The following PMVK variants were observed in gnomAD, a reference collection of about 807,000 sequenced individuals.
PMVK encodes the protein phosphomevalonate kinase.
PMVK carries 10 observed loss-of-function variants against 19.0 expected under a neutral mutation model. The ratio of observed to expected loss-of-function variants is 0.53; its 90% confidence interval spans 0.32 to 0.89. The LOEUF (loss-of-function observed/expected upper bound fraction) is 0.89, where lower values mean the gene tolerates loss of function less well. Ranked by LOEUF, PMVK falls within the 40% of genes least tolerant of loss-of-function variation. The pLI is 0.03. For synonymous variants in PMVK, 108 were observed against 101.6 expected (o/e 1.06, Z -0.38); for missense variants, 222 against 251.1 (o/e 0.88, Z 0.78).
At chr1:154,935,345 G>A (rs534329004) in intron 1 of PMVK, among the ~76,000 whole-genome samples, 1 of 152,166 alleles carries the variant, frequency 6.6e-6, no homozygotes, top group Non-Finnish European at 1.5e-5. Flanking sequence ...GCAGCTTCCT[G>A]GTACCCCCAC....
chr1:154,940,713 T>C (rs1315984728), upstream of PMVK, among the ~76,000 whole-genome samples: 1 of 152,218 alleles, frequency 6.6e-6, no homozygotes, highest in Admixed American at 6.5e-5. Context: ...AAAATTCTGC[T>C]TTGTATGCAG....
At chr1:154,935,845 G>A (rs993207686) in intron 1 of PMVK, among the ~76,000 whole-genome samples, 11 of 144,848 alleles carry the variant, frequency 7.6e-5, no homozygotes, top group African/African-American at 2.9e-4. Context: ...GCTCGCCATC[G>A]CACTAGGCTA....
At chr1:154,937,718 A>G (rs1183377251), upstream of PMVK, 1 of 152,244 alleles carries the variant, frequency 6.6e-6, no homozygotes, top group African/African-American at 2.4e-5. Context: ...TGCCTCCACT[A>G]GAGAAAAAGT....
At chr1:154,929,580 C>G (rs1017742618) in intron 2 of PMVK, among the ~76,000 whole-genome samples, 1 of 152,086 alleles carries the variant, frequency 6.6e-6, no homozygotes, top group African/African-American at 2.4e-5. Context: ...CATGTCCTCC[C>G]ACTAGCATTG....
chr1:154,929,037 G>C lies in PMVK; in HGVS notation c.299C>G (p.Ser100Cys), dbSNP rs745596114. 4.3e-6 allele frequency: 7 copies of C among 1,613,980 alleles called. No individual in the cohort carries two copies. The highest frequency in any genetic ancestry group is 2.7e-5 in the African/African-American group (2 of 74,918). The stretch of plus-strand genomic sequence containing the variant: ...GAGCCCTCTTACCCAGATGGGCTGG[G>C]AGATGCCCTCCACAATCTTCCTGCA... ...FFCRKIVEGI[S>C]QPIWLVSDTR... Residue 100 changes from serine to cysteine, a missense_variant, in exon 3 of 5, where the codon TCC (serine) becomes TGC (cysteine). Transcript: ENST00000368467.
intron 1 of PMVK, among the ~76,000 whole-genome samples, chr1:154,935,058 CAAAAAAAAAAAAAAAA>C (rs569402578): frequency 1.3e-4 from 3 of 22,266 alleles, no homozygotes; most frequent in African/African-American, 2.8e-4. Flanking sequence ...GACTCCGTCT[CAAAAAAAAAAAAAAAA>C]AAAAAAAAAA....
chr1:154,939,028 C>T (rs1013815603), upstream of PMVK, among the ~76,000 whole-genome samples: 4 of 152,156 alleles, frequency 2.6e-5, no homozygotes, highest in Admixed American at 2.6e-4. Flanking sequence ...GCCTCATTCT[C>T]ATTTTCTGAG....
chr1:154,936,453 C>A, intron 1 of PMVK, 138 bp downstream of exon 1: 31 of 1,466,662 alleles, frequency 2.1e-5, no homozygotes, highest in Non-Finnish European at 2.8e-5. Flanking sequence ...GGCATTCCAC[C>A]TTCCCCAGCC....
intron 2 of PMVK, among the ~76,000 whole-genome samples, chr1:154,930,164 T>G (rs929924882): frequency 1.3e-5 from 2 of 152,162 alleles, no homozygotes; most frequent in Admixed American, 6.5e-5. Flanking sequence ...ATGGAGCTTT[T>G]AAAAATGCAA....
upstream of PMVK, among the ~76,000 whole-genome samples, chr1:154,940,246 T>G (rs1399873063): frequency 6.6e-6 from 1 of 152,270 alleles, no homozygotes; most frequent in Admixed American, 6.5e-5. Flanking sequence ...CTGCCTATCC[T>G]GCTCTAGCCA....
At chr1:154,942,159 T>C in the PMVK span, among the ~76,000 whole-genome samples, 1 of 152,004 alleles carries the variant, frequency 6.6e-6, no homozygotes, top group East Asian at 1.9e-4. Context: ...CTTGGGGAGC[T>C]CCCAGCGGAA....
chr1:154,935,088 A>G (rs552808376), intron 1 of PMVK, among the ~76,000 whole-genome samples: 7 of 144,292 alleles, frequency 4.9e-5, no homozygotes, highest in Non-Finnish European at 9.0e-5. Context: ...AAAAAAAAAC[A>G]TGAGGCACAG....
intron 2 of PMVK, among the ~76,000 whole-genome samples, chr1:154,930,539 C>A (rs1654304023): frequency 7.3e-6 from 1 of 136,122 alleles, no homozygotes; most frequent in Non-Finnish European, 1.6e-5. Flanking sequence ...CCAACCCCAC[C>A]AGTCTCACTC....
At chr1:154,937,441 C>T (rs1271526447), upstream of PMVK, 1 of 152,276 alleles carries the variant, frequency 6.6e-6, no homozygotes, top group Non-Finnish European at 1.5e-5. Flanking sequence ...CAAAGGTTTT[C>T]GGAAGCAAAC....
At position 154,925,192 on chromosome 1, in the gene PMVK, T is replaced by C; in HGVS notation, c.516A>G (p.Gly172=). 1 of 1,601,474 alleles carries C rather than the reference T, an allele frequency of 6.2e-7. No homozygotes were observed. The highest frequency in any genetic ancestry group is 2.3e-5 in the East Asian group (1 of 44,008). The change falls in exon 5 of 5, where the codon GGA becomes GGG. Residue 172 remains glycine, a synonymous_variant. Transcript: ENST00000368467. ...ACTGCTCCTCCAGGCGCTGTTCAAC[T>C]CCATGGTTCTCGATGACCCAGTCAA... ...GDFDWVIENH[G]VEQRLEEQLE... is the part of the protein sequence containing the mutation.
chr1:154,933,992 C>T (rs940633698), intron 1 of PMVK, among the ~76,000 whole-genome samples: 1 of 152,060 alleles, frequency 6.6e-6, no homozygotes, highest in African/African-American at 2.4e-5. Flanking sequence ...ATACACTTAA[C>T]GCACAGGAAG....
chr1:154,935,424 A>G (rs1421299416), intron 1 of PMVK, among the ~76,000 whole-genome samples: 1 of 152,222 alleles, frequency 6.6e-6, no homozygotes, highest in African/African-American at 2.4e-5. Context: ...CCCAGGTCTC[A>G]GCAAAATGCT....
At chr1:154,936,545 G>A in intron 1 of PMVK, 46 bp downstream of exon 1, 1 of 1,558,824 alleles carries the variant, frequency 6.4e-7, no homozygotes, top group African/African-American at 1.4e-5. Context: ...CTCGTGTCAC[G>A]TGATGCGGAG....
rs1190737387 is a variant in PMVK at position 154,926,476 on chromosome 1, C to T, written c.320G>A (p.Ser107Asn). 1.2e-6 allele frequency: 2 copies of T among 1,613,670 alleles called. No homozygotes were observed. Among genetic ancestry groups the T allele is most frequent in the Non-Finnish European group, 1.7e-6 (2 of 1,179,792 alleles). The change falls in exon 4 of 5, where the codon AGT becomes AAT. Residue 107 changes from serine to asparagine, a missense_variant. Physicochemically the swap from Ser to Asn is conservative, Grantham distance 46. Coordinates refer to ENST00000368467, the MANE Select transcript of PMVK (RefSeq NM_006556.4). ...GATGTCAGACACTCTCCGTGTGTCA[C>T]TCACCAGCTGCAGGAGAGGGACAGA... Reference protein sequence around the residue: ...EGISQPIWLVSDTRRVSDIQW... With the variant: ...EGISQPIWLVNDTRRVSDIQW...
Sources: allele counts gnomAD v4.1 joint callset (sites outside exome capture counted in the v4.1 genomes callset), GRCh38; gene constraint gnomAD v4.1.1; transcripts MANE v1.5; gene names NCBI Gene and HGNC (gene_info 2026-07-23, HGNC 2026-07-21).